ZFPM1: variants seen among roughly 807,000 people sequenced by gnomAD.
The protein encoded by ZFPM1 is zinc finger protein, FOG family member 1, also known as zinc finger protein ZFPM1.
ZFPM1 carries 28 observed loss-of-function variants against 46.3 expected under a neutral mutation model. The ratio of observed to expected loss-of-function variants is 0.60; its 90% CI spans 0.45 to 0.83. ZFPM1 has a LOEUF of 0.83. Ranked by LOEUF, ZFPM1 falls within the 40% of genes least tolerant of loss-of-function variation. The probability of loss-of-function intolerance (pLI) is 0.00; values close to 1 mark genes in which losing one functional copy is unlikely to be tolerated. For synonymous variants in ZFPM1, 957 were observed against 675.9 expected (o/e 1.42, Z -6.45); for missense variants, 1,878 against 1,432.4 (o/e 1.31, Z -5.02).
rs1567529254 is a variant in ZFPM1, at chr16:88,471,218, CG to C, written c.41-14719del. 6.6e-6 allele frequency among the ~76,000 whole-genome samples: 1 copy of C among 152,242 alleles called. No homozygotes were observed. Among genetic ancestry groups the C allele is most frequent in the African/African-American group, 2.4e-5 (1 of 41,462 alleles). Reference sequence around the variant, plus strand: ...GGGCACTGAGAATTCAGACAAGAGCCGGACTCCCTGAGCTCCCAACCAGCTG... The same window carrying C: ...GGGCACTGAGAATTCAGACAAGAGCCGACTCCCTGAGCTCCCAACCAGCTG... On this transcript the variant is annotated intron_variant, in intron 1 of 9. Coordinates refer to ENST00000319555, the MANE Select transcript of ZFPM1 (RefSeq NM_153813.3). This position sits in a 1 kb window ranked among gnomAD's most constrained non-coding sequence, Gnocchi z 4.1.
intron 1 of ZFPM1, among the ~76,000 whole-genome samples, chr16:88,472,093 G>A (rs550275208): frequency 1.2e-3 from 180 of 152,292 alleles, no homozygotes; most frequent in African/African-American, 4.0e-3. Flanking sequence ...CATGGCCGCC[G>A]GTAACCCCAC....
chr16:88,508,556 TC>T (rs1910783928), intron 3 of ZFPM1, among the ~76,000 whole-genome samples: 1 of 152,214 alleles, frequency 6.6e-6, no homozygotes, highest in East Asian at 1.9e-4. Context: ...CGACGCTCAC[TC>T]TGAACCTCTC....
chr16:88,453,813 T>C (rs757679104), intron 1 of ZFPM1, 135 bp downstream of exon 1: 2 of 473,050 alleles, frequency 4.2e-6, no homozygotes, highest in Non-Finnish European at 5.6e-6. Context: ...CCCCCCGCGC[T>C]GTGCCAAGCG....
At chr16:88,452,527 C>T (rs954948967), upstream of ZFPM1, among the ~76,000 whole-genome samples, 2 of 152,268 alleles carry the variant, frequency 1.3e-5, no homozygotes, top group African/African-American at 4.8e-5. Flanking sequence ...GGGGAAGACC[C>T]GAGATCCTGC....
chr16:88,484,930 C>T (rs550623401), intron 1 of ZFPM1, among the ~76,000 whole-genome samples: 1 of 152,324 alleles, frequency 6.6e-6, no homozygotes, highest in South Asian at 2.1e-4. Flanking sequence ...TCCCCCACCC[C>T]GATGTGTGAG....
At position 88,497,531 on chromosome 16, in the gene ZFPM1, G is replaced by A. The variant is rs1413752440; in HGVS notation, c.268+8378G>A. ...TCAGGGTGGGGCTCAGGGCCCGGGCGGGGATGGGGTTCAGCGGGGTCAGGG... is the reference window on the plus strand; with the variant it reads ...TCAGGGTGGGGCTCAGGGCCCGGGCAGGGATGGGGTTCAGCGGGGTCAGGG... On this transcript the variant is annotated intron_variant, in intron 3 of 9. Coordinates refer to ENST00000319555, the MANE Select transcript of ZFPM1 (RefSeq NM_153813.3). This position sits in a 1 kb window ranked among gnomAD's most constrained non-coding sequence, Gnocchi z 5.4. Among the ~76,000 whole-genome samples the A allele has an allele frequency of 5.9e-5, 9 of 151,282 alleles. No individual in the cohort carries two copies. Among genetic ancestry groups the A allele is most frequent in the African/African-American group, 1.2e-4 (5 of 41,036 alleles).
At chr16:88,465,749 G>A (rs987278119) in intron 1 of ZFPM1, among the ~76,000 whole-genome samples, 1 of 152,232 alleles carries the variant, frequency 6.6e-6, no homozygotes, top group African/African-American at 2.4e-5. Flanking sequence ...CCTGACAGCT[G>A]CGCCCAGATG....
At chr16:88,488,681 G>C (rs1909379997) in intron 2 of ZFPM1, among the ~76,000 whole-genome samples, 1 of 152,208 alleles carries the variant, frequency 6.6e-6, no homozygotes, top group Non-Finnish European at 1.5e-5. Context: ...TGCAGGGCCT[G>C]GTGGAGGGGC....
chr16:88,467,885 T>A (rs1908211130), intron 1 of ZFPM1, among the ~76,000 whole-genome samples: 4 of 152,024 alleles, frequency 2.6e-5, no homozygotes, highest in Admixed American at 1.3e-4. Flanking sequence ...GTGGAGGAGG[T>A]GCTATCGCCG....
rs761390659 is a variant in ZFPM1, at chr16:88,532,112, G to A, written c.823G>A (p.Ala275Thr). ...CCGCCAGGGCACCGGCTCCCCGGCC[G>A]CAGCCGCCACAGACGAGAAGCCCAA... ...ASRQGTGSPA[A>T]AATDEKPKET... The change falls in exon 7 of 10, where the codon GCA (alanine) becomes ACA (threonine). Residue 275 changes from alanine to threonine, a missense_variant. Ala to Thr is a moderately conservative substitution (Grantham distance 58). Transcript: ENST00000319555. 6.8e-6 allele frequency: 11 copies of A among 1,612,118 alleles called. No individual in the cohort carries two copies. The highest frequency in any genetic ancestry group is 1.7e-5 in the Admixed American group (1 of 59,934).
Position 88,497,745 on chromosome 16 carries a change from C to T in ZFPM1, c.268+8592C>T, listed in dbSNP as rs1006731025. ...TCCACTATTTCCTGCCTGAGGCCCA[C>T]GAAGGGTCCCCCGCCCCAGGGTCCC... On this transcript the variant is annotated intron_variant, in intron 3 of 9. Transcript: ENST00000319555. The surrounding 1 kb of genome is among the most constrained non-coding windows in gnomAD (Gnocchi z 5.4). Among the ~76,000 whole-genome samples, 2 of 152,090 alleles carry T rather than the reference C, an allele frequency of 1.3e-5. No homozygotes were observed. Among genetic ancestry groups the T allele is most frequent in the Non-Finnish European group, 2.9e-5 (2 of 67,986 alleles).
chr16:88,501,841 G>A (rs1386431778), intron 3 of ZFPM1, among the ~76,000 whole-genome samples: 1 of 152,098 alleles, frequency 6.6e-6, no homozygotes, highest in African/African-American at 2.4e-5. Context: ...TGGGTGCAGG[G>A]CCCTCCTGCC....
intron 1 of ZFPM1, among the ~76,000 whole-genome samples, chr16:88,454,396 A>C (rs539227890): frequency 6.6e-6 from 1 of 152,316 alleles, no homozygotes; most frequent in South Asian, 2.1e-4. Context: ...GGACCCTGCA[A>C]GTGTCCCAGC....
intron 3 of ZFPM1, among the ~76,000 whole-genome samples, chr16:88,509,119 G>A (rs1204957474): frequency 2.0e-5 from 3 of 152,208 alleles, no homozygotes; most frequent in Admixed American, 6.5e-5. Context: ...CGGGGCCCAC[G>A]TGGTCTGTGC....
intron 3 of ZFPM1, chr16:88,489,452 A>G (rs1597245460): frequency 2.9e-6 from 1 of 340,820 alleles, no homozygotes; most frequent in Non-Finnish European, 5.4e-6. Context: ...CTGGTAAAGA[A>G]TCCTCAGAGG....
chr16:88,454,094 A>C (rs1434246388), intron 1 of ZFPM1, among the ~76,000 whole-genome samples: 1 of 152,192 alleles, frequency 6.6e-6, no homozygotes, highest in Non-Finnish European at 1.5e-5. Context: ...GACGGGCTGA[A>C]ATTGTGATCT....
At chr16:88,459,705 C>T (rs1339513559) in intron 1 of ZFPM1, among the ~76,000 whole-genome samples, 6 of 103,232 alleles carry the variant, frequency 5.8e-5, no homozygotes, top group African/African-American at 2.3e-4. Flanking sequence ...TCCCCTTCCC[C>T]CTTCCCCTCT....
intron 4 of ZFPM1, among the ~76,000 whole-genome samples, chr16:88,522,426 G>A (rs530660766): frequency 2.0e-5 from 3 of 152,278 alleles, no homozygotes; most frequent in Non-Finnish European, 2.9e-5. Context: ...CCACTACCCC[G>A]CAGTGTCCTG....
At chr16:88,502,001 C>T (rs111417497) in intron 3 of ZFPM1, among the ~76,000 whole-genome samples, 19 of 152,308 alleles carry the variant, frequency 1.2e-4, no homozygotes, top group African/African-American at 4.6e-4. Context: ...GCAAACGCCC[C>T]AACCCATGGT....
Sources: allele counts gnomAD v4.1 joint callset (sites outside exome capture counted in the v4.1 genomes callset), GRCh38; gene constraint gnomAD v4.1.1; non-coding constraint Gnocchi (gnomAD v3.1); transcripts MANE v1.5; gene names NCBI Gene and HGNC (gene_info 2026-07-23, HGNC 2026-07-21).